The following FGD4 variants were observed in gnomAD, a reference collection of about 807,000 sequenced individuals.
FGD4 encodes FYVE, RhoGEF and PH domain-containing protein 4.
FGD4 carries 42 observed loss-of-function variants against 102.0 expected under a neutral mutation model. That is an observed-to-expected ratio of 0.41 (90% CI 0.32 to 0.53). FGD4 has a LOEUF of 0.53. Among genes scored for constraint, FGD4 ranks in the 20% least tolerant of loss-of-function variants. FGD4 has a pLI of 0.21. For missense variants in FGD4, 902 were observed against 1,078.2 expected (o/e 0.84, Z 2.29); for synonymous variants, 380 against 375.7 (o/e 1.01, Z -0.13).
At chr12:32,520,234 G>C (rs1466120267) in intron 1 of FGD4, among the ~76,000 whole-genome samples, 1 of 139,458 alleles carries the variant, frequency 7.2e-6, no homozygotes, top group African/African-American at 2.5e-5. Context: ...CTTCCAAATT[G>C]CTGTATTGTG....
At chr12:32,523,415 A>G (rs1157648265) in intron 1 of FGD4, among the ~76,000 whole-genome samples, 3 of 152,182 alleles carry the variant, frequency 2.0e-5, no homozygotes, top group African/African-American at 7.2e-5. Flanking sequence ...CATCCTTCCC[A>G]ACTGAAACTC....
chr12:32,411,864 GCT>G (rs1223146485), intron 1 of FGD4, among the ~76,000 whole-genome samples: 1 of 151,364 alleles, frequency 6.6e-6, no homozygotes, highest in Admixed American at 6.6e-5. Flanking sequence ...AGTCCCGGCT[GCT>G]CGGGAGGCTG....
chr12:32,445,450 AT>A (rs1398009967), intron 1 of FGD4, among the ~76,000 whole-genome samples: 6 of 152,150 alleles, frequency 3.9e-5, no homozygotes, highest in African/African-American at 1.4e-4. Context: ...TAGGTTGCAA[AT>A]TGGGGATTGT....
intron 1 of FGD4, among the ~76,000 whole-genome samples, chr12:32,456,054 C>T (rs1302674477): frequency 6.6e-6 from 1 of 152,146 alleles, no homozygotes; most frequent in African/African-American, 2.4e-5. Context: ...ACCCTGCAAG[C>T]ATTACTGTCA....
At chr12:32,532,659 G>A (rs1177083762) in intron 1 of FGD4, among the ~76,000 whole-genome samples, 4 of 151,964 alleles carry the variant, frequency 2.6e-5, no homozygotes, top group Admixed American at 6.6e-5. Flanking sequence ...ACAGACAGAC[G>A]TTGGGGCATT....
chr12:32,534,248 G>A (rs1033916744), intron 1 of FGD4: 9 of 1,243,978 alleles, frequency 7.2e-6, no homozygotes, highest in Non-Finnish European at 8.2e-6. Flanking sequence ...GCAGCAGTCC[G>A]TCCTCTGGGG....
At chr12:32,492,125 A>C (rs10844220) in intron 1 of FGD4, among the ~76,000 whole-genome samples, 44,831 of 152,098 alleles carry the variant, frequency 0.29, 7,017 homozygotes, top group East Asian at 0.45. Flanking sequence ...ACTGTACATC[A>C]GCTGAGAGGT....
intron 14 of FGD4, 147 bp from the exon 15 acceptor site, chr12:32,633,402 T>A (rs1950604315): frequency 2.5e-6 from 2 of 786,306 alleles, no homozygotes; most frequent in Non-Finnish European, 4.1e-6. Flanking sequence ...TGATATGTAC[T>A]TCTAGTGTTT....
At chr12:32,523,586 G>C (rs1940776041) in intron 1 of FGD4, among the ~76,000 whole-genome samples, 2 of 152,354 alleles carry the variant, frequency 1.3e-5, no homozygotes, top group African/African-American at 4.8e-5. Flanking sequence ...TTTGCAGGTG[G>C]ATGAAGCTAA....
chr12:32,547,694 T>G lies in FGD4; in HGVS notation c.167-16443T>G, dbSNP rs78696124. Among the ~76,000 whole-genome samples the G allele has an allele frequency of 2.5e-3, 376 of 152,350 alleles. 8 individuals are homozygous for G. In the East Asian group the frequency reaches 0.065, roughly 26 times the overall value. On this transcript the variant is annotated intron_variant, in intron 1 of 16. Transcript: ENST00000534526. ...ATTTAAAAGCAAGTTTGCATTAGTT[T>G]TAAAGCACTATGAAATCCCAAGTCT...
rs145857516 is a variant in FGD4, at chr12:32,408,054, C to T, written c.166+8095C>T. Among the ~76,000 whole-genome samples the T allele has an allele frequency of 3.3e-3, 505 of 151,736 alleles. 2 individuals are homozygous for T. The highest frequency in any genetic ancestry group is 0.011 in the African/African-American group (473 of 41,352). ...TTGCTTTGTCGCCCAGGCTGGAGTG[C>T]GATGGTGCCATCTTGGCTCACTGCA... On this transcript the variant is annotated intron_variant, in intron 1 of 16. Transcript: ENST00000534526.
intron 1 of FGD4, among the ~76,000 whole-genome samples, chr12:32,516,251 C>T (rs1476140170): frequency 6.6e-6 from 1 of 152,164 alleles, no homozygotes; most frequent in African/African-American, 2.4e-5. Flanking sequence ...CCTGCTCAGA[C>T]TCCTGAGCAT....
intron 1 of FGD4, among the ~76,000 whole-genome samples, chr12:32,548,824 G>C (rs768943507): frequency 1.3e-5 from 2 of 152,220 alleles, no homozygotes; most frequent in African/African-American, 2.4e-5. Context: ...CTCAAGGCTG[G>C]GAACATACGG....
intron 1 of FGD4, among the ~76,000 whole-genome samples, chr12:32,407,638 G>GT (rs1941003164): frequency 6.6e-6 from 1 of 152,086 alleles, no homozygotes; most frequent in African/African-American, 2.4e-5. Context: ...GCTCATTTCT[G>GT]TTTGACTCCT....
At chr12:32,621,019 A>T (rs549016089) in intron 11 of FGD4, among the ~76,000 whole-genome samples, 64 of 152,108 alleles carry the variant, frequency 4.2e-4, no homozygotes, top group African/African-American at 1.5e-3. Flanking sequence ...GATCATAGCT[A>T]CCTCACGCAT....
chr12:32,561,445 T>G (rs775397561), intron 1 of FGD4, among the ~76,000 whole-genome samples: 213 of 152,024 alleles, frequency 1.4e-3, no homozygotes, highest in Non-Finnish European at 2.7e-3. Context: ...ATTTTTTGGG[T>G]TTTTTTTACT....
intron 4 of FGD4, among the ~76,000 whole-genome samples, chr12:32,589,494 T>C (rs1235265532): frequency 2.0e-5 from 3 of 152,244 alleles, no homozygotes; most frequent in Non-Finnish European, 2.9e-5. Flanking sequence ...TGAGATACTT[T>C]GATGACTAAG....
chr12:32,593,212 A>AT (rs1325753134), intron 4 of FGD4, among the ~76,000 whole-genome samples: 1 of 152,238 alleles, frequency 6.6e-6, no homozygotes, highest in Non-Finnish European at 1.5e-5. Flanking sequence ...ATGTAAAATA[A>AT]TTATAACAGT....
chr12:32,453,208 A>ATG, intron 1 of FGD4, among the ~76,000 whole-genome samples: 1 of 45,546 alleles, frequency 2.2e-5, no homozygotes, highest in Non-Finnish European at 6.5e-5. Context: ...TATTATATAT[A>ATG]TATATATATA....
Sources: gnomAD v4.1 joint callset for allele counts (sites outside exome capture counted in the v4.1 genomes callset) on GRCh38, gnomAD v4.1.1 for gene constraint, MANE v1.5 for transcripts, NCBI Gene and HGNC (gene_info 2026-07-23, HGNC 2026-07-21) for gene names.